SVOP: variants seen among roughly 807,000 people sequenced by gnomAD.
SVOP encodes the protein synaptic vesicle 2-related protein.
Under a neutral mutation model 69.1 loss-of-function variants are expected in SVOP, and 17 were observed. The ratio of observed to expected loss-of-function variants is 0.25; its 90% CI spans 0.17 to 0.37. SVOP has a LOEUF of 0.37. Among genes scored for constraint, SVOP ranks in the 10% least tolerant of loss-of-function variants. SVOP has a pLI of 1.00. For missense variants in SVOP, 435 were observed against 597.5 expected (o/e 0.73, Z 2.84); for synonymous variants, 238 against 238.6 (o/e 1.00, Z 0.02).
chr12:108,930,726 G>T (rs1234810538), intron 11 of SVOP, among the ~76,000 whole-genome samples: 2 of 152,144 alleles, frequency 1.3e-5, no homozygotes, highest in Non-Finnish European at 2.9e-5. Flanking sequence ...GAGCCACTAC[G>T]CCTGGTGAGT....
chr12:108,972,445 G>A lies in SVOP; in HGVS notation c.413C>T (p.Thr138Met), dbSNP rs1441635215. ...CTGGTCTGAGATATTTCCCCAGAGCGTGGAGCTGGACATCATGCCTACAAA... is the reference window on the plus strand; with the variant it reads ...CTGGTCTGAGATATTTCCCCAGAGCATGGAGCTGGACATCATGCCTACAAA... The part of the protein sequence containing the change: ...VVFVGMMSSS[T>M]LWGNISDQYG... Residue 138 changes from threonine (T) to methionine (M), a missense_variant, in exon 5 of 16, where the codon ACG (threonine) becomes ATG (methionine). Coordinates refer to ENST00000610966, the MANE Select transcript of SVOP (RefSeq NM_018711.5). 5 of 1,537,238 alleles carry A rather than the reference G, an allele frequency of 3.3e-6. No homozygotes were observed. Among genetic ancestry groups the A allele is most frequent in the South Asian group, 2.4e-5 (2 of 84,064 alleles).
intron 13 of SVOP, among the ~76,000 whole-genome samples, chr12:108,918,621 C>G (rs1032606010): frequency 1.3e-5 from 2 of 152,192 alleles, no homozygotes; most frequent in Admixed American, 1.3e-4. Context: ...AGATTCCTCA[C>G]TAGGTGTGGT....
chr12:108,953,136 C>A (rs1334684344), intron 6 of SVOP, among the ~76,000 whole-genome samples: 1 of 95,808 alleles, frequency 1.0e-5, no homozygotes, highest in South Asian at 3.9e-4. Flanking sequence ...ATCTAATTGA[C>A]TTTTTTTTTT....
intron 1 of SVOP, among the ~76,000 whole-genome samples, chr12:109,010,560 C>T (rs1251117837): frequency 6.6e-6 from 1 of 152,196 alleles, no homozygotes; most frequent in Non-Finnish European, 1.5e-5. Context: ...GTCACCCAGG[C>T]TGGAGTGCAG....
intron 2 of SVOP, among the ~76,000 whole-genome samples, chr12:108,983,021 C>T (rs1439323012): frequency 6.7e-6 from 1 of 149,390 alleles, no homozygotes; most frequent in African/African-American, 2.5e-5. Flanking sequence ...TCATTATCAC[C>T]ACCATCATCA....
In SVOP at chr12:108,969,720, T is replaced by TTCCTTCCTTCC. The variant is rs554510113; in HGVS notation, c.453+2674_453+2684dup. 3.2e-4 allele frequency among the ~76,000 whole-genome samples: 48 copies of TTCCTTCCTTCC among 151,596 alleles called. 2 individuals carry two copies. The South Asian group carries it at 9.2e-3, about 29-fold the overall frequency. On this transcript the variant is annotated intron_variant, in intron 5 of 15. Transcript: ENST00000610966. ...TTACTTCCCTCCTCCTTTTTTTTCC[T>TTCCTTCCTTCC]TCCTTCCTTCCTTCCTCTCTCCTGT...
At chr12:108,979,996 T>A (rs984627007) in intron 2 of SVOP, among the ~76,000 whole-genome samples, 50,065 of 151,796 alleles carry the variant, frequency 0.33, 8,761 homozygotes, top group African/African-American at 0.44. Flanking sequence ...GCATAGTGAG[T>A]CCCCATCTCT....
intron 15 of SVOP, 130 bp downstream of exon 15, chr12:108,915,653 G>C (rs772236175): frequency 5.5e-5 from 49 of 886,484 alleles, no homozygotes; most frequent in Non-Finnish European, 7.9e-5. Context: ...TTCTGTCCTC[G>C]GGTGTGTTGT....
At chr12:108,996,972 T>A (rs2040236434) in intron 1 of SVOP, among the ~76,000 whole-genome samples, 1 of 152,076 alleles carries the variant, frequency 6.6e-6, no homozygotes, top group Non-Finnish European at 1.5e-5. Context: ...GATGGCCGAA[T>A]AGGAACAGCT....
At chr12:108,915,718 T>C in intron 15 of SVOP, 65 bp downstream of exon 15, 2 of 1,506,894 alleles carry the variant, frequency 1.3e-6, no homozygotes, top group Non-Finnish European at 1.8e-6. Flanking sequence ...CGGCATGTAG[T>C]AACTGCTTGC....
At chr12:108,946,693 A>T (rs1055877214) in intron 6 of SVOP, among the ~76,000 whole-genome samples, 32 of 84,954 alleles carry the variant, frequency 3.8e-4, no homozygotes, top group Non-Finnish European at 5.4e-4. Context: ...ACCTGTTTTT[A>T]TTATTATTAT....
Position 108,977,484 on chromosome 12 carries a change from T to C in SVOP, c.295A>G (p.Met99Val). 1 of 1,533,568 alleles carries C rather than the reference T, an allele frequency of 6.5e-7. No homozygotes were observed. The highest frequency in any genetic ancestry group is 8.7e-7 in the Non-Finnish European group (1 of 1,143,614). 95.0% of individuals were successfully genotyped at this position (1,533,568 alleles called of 1,614,324 possible). A position where few individuals can be genotyped will look rare whatever the true frequency, so the allele number is the denominator to read the frequency against. Residue 99 changes from methionine (M) to valine (V), a missense_variant, in exon 4 of 16, where the codon ATG (methionine) becomes GTG (valine). Physicochemically the swap from Met to Val is conservative, Grantham distance 21 (BLOSUM62 1). Coordinates refer to ENST00000610966, the MANE Select transcript of SVOP (RefSeq NM_018711.5). Reference protein sequence around the residue: ...LTGLAWMADAMEMMILSILAP... With the variant: ...LTGLAWMADAVEMMILSILAP... ...AGGATGCTGAGGATCATCATCTCCA[T>C]GGCATCAGCCATCTGCAGAGAGGAC...
At chr12:108,928,699 TG>T (rs1271527199) in intron 11 of SVOP, among the ~76,000 whole-genome samples, 4 of 151,904 alleles carry the variant, frequency 2.6e-5, no homozygotes, top group Admixed American at 2.6e-4. Flanking sequence ...CCCAAGTAGC[TG>T]GGAACACAGA....
Position 109,020,992 on chromosome 12 carries a change from C to CA in SVOP, c.-125dup. 1.6e-6 allele frequency: 1 copy of CA among 609,138 alleles called. No homozygotes were observed. The highest frequency in any genetic ancestry group is 3.0e-6 in the Non-Finnish European group (1 of 331,242). 37.7% of individuals were successfully genotyped at this position (609,138 alleles called of 1,614,324 possible). On this transcript the variant is annotated 5_prime_UTR_variant, in exon 1 of 16. Coordinates refer to ENST00000610966, the MANE Select transcript of SVOP (RefSeq NM_018711.5). ...CCGCGCCGCTTCCTCCCTGGAGCAG[C>CA]AGCTGTTCGGGGAGGGAGCCGCTGG... is the stretch of plus-strand genomic sequence containing the variant.
At chr12:108,932,180 T>TA (rs1207588837) in intron 11 of SVOP, among the ~76,000 whole-genome samples, 3 of 152,000 alleles carry the variant, frequency 2.0e-5, no homozygotes, top group Non-Finnish European at 2.9e-5. Context: ...CATGCCCAGC[T>TA]AATTTTTTAA....
chr12:108,970,406 A>T (rs1425293934), intron 5 of SVOP, among the ~76,000 whole-genome samples: 1 of 152,200 alleles, frequency 6.6e-6, no homozygotes, highest in Non-Finnish European at 1.5e-5. Context: ...AGGGGATTGG[A>T]TGAGCTAACG....
chr12:108,995,991 C>T (rs1271261189), intron 1 of SVOP, among the ~76,000 whole-genome samples: 1 of 151,636 alleles, frequency 6.6e-6, no homozygotes, highest in Non-Finnish European at 1.5e-5. Flanking sequence ...CATACACACA[C>T]ATACATACAT....
Position 108,980,143 on chromosome 12 carries a change from A to C in SVOP, c.197-1480T>G, listed in dbSNP as rs1211297984. Among the ~76,000 whole-genome samples the C allele has an allele frequency of 4.6e-5, 7 of 152,284 alleles. No homozygotes were observed. The South Asian group carries it at 1.5e-3, about 32-fold the overall frequency. On this transcript the variant is annotated intron_variant, in intron 2 of 15. Coordinates refer to ENST00000610966, the MANE Select transcript of SVOP (RefSeq NM_018711.5). The stretch of plus-strand genomic sequence containing the variant: ...CAGTGAGCTGTGATCATGCCACTGC[A>C]CTCCAGCCTGGGTGACAGAGTAAGA...
chr12:108,920,851 C>T lies in SVOP; in HGVS notation c.1157-1065G>A, dbSNP rs558014124. On this transcript the variant is annotated intron_variant, in intron 12 of 15. Coordinates refer to ENST00000610966, the MANE Select transcript of SVOP (RefSeq NM_018711.5). The stretch of plus-strand genomic sequence containing the variant: ...ACCTCAGGTAATCTGCCTGCCTTGG[C>T]CTCCCAAAGCACCAGGATTACAGGC... 2.0e-5 allele frequency among the ~76,000 whole-genome samples: 3 copies of T among 152,220 alleles called. No homozygotes were observed. The South Asian group carries it at 6.2e-4, about 32-fold the overall frequency.
Sources: allele counts gnomAD v4.1 joint callset (sites outside exome capture counted in the v4.1 genomes callset), GRCh38; gene constraint gnomAD v4.1.1; transcripts MANE v1.5; gene names NCBI Gene and HGNC (gene_info 2026-07-23, HGNC 2026-07-21).